Variants in ROBO2 observed in about 807,000 individuals in gnomAD.
The protein encoded by ROBO2 is roundabout guidance receptor 2.
In ROBO2, 53 loss-of-function variants were observed where a neutral mutation model predicts 160.8. The observed-to-expected ratio is 0.33, with a 90% confidence interval of 0.26 to 0.41. The LOEUF is 0.41. Ranked by LOEUF, ROBO2 falls within the 10% of genes least tolerant of loss-of-function variation. The probability of loss-of-function intolerance (pLI) is 1.00; values close to 1 mark genes in which losing one functional copy is unlikely to be tolerated. For missense variants in ROBO2, 1,577 were observed against 1,722.4 expected (o/e 0.92, Z 1.49); for synonymous variants, 664 against 611.7 (o/e 1.09, Z -1.26).
chr3:76,958,398 T>G (rs1039298535), intron 2 of ROBO2, among the ~76,000 whole-genome samples: 3 of 152,250 alleles, frequency 2.0e-5, no homozygotes, highest in African/African-American at 7.2e-5. Flanking sequence ...GCTCTTCCTC[T>G]CCTCAGCTCA....
At chr3:76,045,253 C>T (rs1043881476) in intron 2 of ROBO2, among the ~76,000 whole-genome samples, 1 of 152,012 alleles carries the variant, frequency 6.6e-6, no homozygotes, top group Non-Finnish European at 1.5e-5. Flanking sequence ...TTCTTTTACA[C>T]CTTTTCAGTT....
At chr3:76,232,679 C>A (rs1704691314) in intron 2 of ROBO2, among the ~76,000 whole-genome samples, 2 of 152,168 alleles carry the variant, frequency 1.3e-5, no homozygotes, top group African/African-American at 4.8e-5. Flanking sequence ...ATGCTGTTAA[C>A]TGTATATCAA....
At chr3:76,558,633 G>C (rs1426693873) in intron 2 of ROBO2, among the ~76,000 whole-genome samples, 1 of 151,876 alleles carries the variant, frequency 6.6e-6, no homozygotes, top group South Asian at 2.1e-4. Context: ...GGTTTTTTTA[G>C]ATGTTGTACA....
At chr3:76,609,359 T>C (rs1351574824) in intron 2 of ROBO2, among the ~76,000 whole-genome samples, 2 of 152,196 alleles carry the variant, frequency 1.3e-5, no homozygotes, top group Admixed American at 1.3e-4. Context: ...TGTGGTTTCA[T>C]ATAAATTAAA....
intron 2 of ROBO2, among the ~76,000 whole-genome samples, chr3:77,384,750 A>G (rs9854015): frequency 0.31 from 47,531 of 152,122 alleles, 7,807 homozygotes; most frequent in East Asian, 0.46. Flanking sequence ...TAGAGTCACA[A>G]AGTATATATA....
At chr3:76,572,064 G>A (rs1312315299) in intron 2 of ROBO2, among the ~76,000 whole-genome samples, 5 of 152,128 alleles carry the variant, frequency 3.3e-5, no homozygotes, top group Admixed American at 3.3e-4. Flanking sequence ...TATACCTGAA[G>A]TATTTGATAG....
intron 2 of ROBO2, among the ~76,000 whole-genome samples, chr3:76,626,414 G>C (rs2089643641): frequency 6.6e-6 from 1 of 152,044 alleles, no homozygotes; most frequent in Non-Finnish European, 1.5e-5. Flanking sequence ...AAACAGAGAT[G>C]AGTTTAGGCT....
Position 77,422,280 on chromosome 3 carries a change from T to G in ROBO2, c.389-55134T>G, listed in dbSNP as rs34299660. On this transcript the variant is annotated intron_variant, in intron 2 of 25. Coordinates refer to ENST00000461745, the Ensembl canonical transcript of ROBO2. ...TGACATTTTATGCCTTTCATTTCCCTCCTGTGCTCACTGTATCTTCTGGTG... is the reference window on the plus strand; with the variant it reads ...TGACATTTTATGCCTTTCATTTCCCGCCTGTGCTCACTGTATCTTCTGGTG... Among the ~76,000 whole-genome samples the G allele has an allele frequency of 3.8e-3, 584 of 152,324 alleles. 3 individuals carry two copies. The highest frequency in any genetic ancestry group is 0.02 in the Middle Eastern group (6 of 294).
rs891854922 is a variant in ROBO2, at chr3:77,009,308, T to A, written c.110-88706T>A. ...ATTGATTGCGGTTTGCAGTTAACTT[T>A]TCCCTTTGAGTAAATCACTGGTAAC... is the stretch of plus-strand genomic sequence containing the variant. On this transcript the variant is annotated intron_variant, in intron 2 of 26. Transcript: ENST00000487694. Among the ~76,000 whole-genome samples, 5 of 152,326 alleles carry A rather than the reference T, an allele frequency of 3.3e-5. No homozygotes were observed. The East Asian group carries it at 9.7e-4, about 29-fold the overall frequency.
At chr3:77,644,637 A>C in intron 24 of ROBO2, 67 bp from the exon 27 acceptor site, 2 of 1,373,538 alleles carry the variant, frequency 1.5e-6, no homozygotes, top group Non-Finnish European at 2.1e-6. Context: ...GTTATATTCA[A>C]GAGTTAAGTT....
At chr3:76,727,121 CT>C (rs1321983244) in intron 2 of ROBO2, among the ~76,000 whole-genome samples, 1 of 123,574 alleles carries the variant, frequency 8.1e-6, no homozygotes, top group East Asian at 2.1e-4. Flanking sequence ...TTTTCATTGT[CT>C]CAAAGAATAT....
At chr3:76,186,455 C>T (rs1701768553) in intron 2 of ROBO2, among the ~76,000 whole-genome samples, 1 of 151,968 alleles carries the variant, frequency 6.6e-6, no homozygotes, top group Admixed American at 6.6e-5. Context: ...CTTTACCTTC[C>T]AGCACTAAAC....
At chr3:77,148,327 A>G (rs1373486152) in intron 2 of ROBO2, among the ~76,000 whole-genome samples, 1 of 152,326 alleles carries the variant, frequency 6.6e-6, no homozygotes, top group South Asian at 2.1e-4. Context: ...TAAGCAGAGG[A>G]CATACTGTGT....
At chr3:77,426,498 T>C (rs562587233) in intron 2 of ROBO2, among the ~76,000 whole-genome samples, 1 of 151,924 alleles carries the variant, frequency 6.6e-6, no homozygotes, top group South Asian at 2.1e-4. Context: ...TGGGAATATA[T>C]AGATAATTGA....
In ROBO2 at chr3:76,782,229, A is replaced by G. The variant is rs983731965; in HGVS notation, c.110-315785A>G. 2.0e-5 allele frequency among the ~76,000 whole-genome samples: 3 copies of G among 150,698 alleles called. No individual in the cohort carries two copies. In the Admixed American group the frequency reaches 2.0e-4, roughly 10 times the overall value. ...CTTCCTAGTATTGATTTCTAGTTTC[A>G]TACCGTTATGGTAGAAAAGATGCTT... On this transcript the variant is annotated intron_variant, in intron 2 of 26. Transcript: ENST00000487694.
chr3:76,730,206 TCACC>T (rs1421077781), intron 2 of ROBO2, among the ~76,000 whole-genome samples: 23 of 87,796 alleles, frequency 2.6e-4, no homozygotes, highest in African/African-American at 8.2e-4. Flanking sequence ...TCGCTTGTCC[TCACC>T]TCCTACTCCC....
intron 2 of ROBO2, among the ~76,000 whole-genome samples, chr3:76,335,538 T>A (rs1448445814): frequency 1.3e-5 from 2 of 151,950 alleles, no homozygotes; most frequent in Non-Finnish European, 2.9e-5. Flanking sequence ...CTGGTTTTCA[T>A]TTTAATTATA....
intron 2 of ROBO2, among the ~76,000 whole-genome samples, chr3:77,132,770 G>C (rs572761176): frequency 2.0e-4 from 31 of 151,972 alleles, no homozygotes; most frequent in African/African-American, 7.5e-4. Flanking sequence ...TGAGGCACTG[G>C]AAAAATGAAG....
intron 2 of ROBO2, among the ~76,000 whole-genome samples, chr3:76,941,970 A>C (rs2078216462): frequency 6.6e-6 from 1 of 152,210 alleles, no homozygotes. Context: ...ATAAGTATTA[A>C]ATGAATGATA....
Sources: gnomAD v4.1 joint callset for allele counts (sites outside exome capture counted in the v4.1 genomes callset) on GRCh38, gnomAD v4.1.1 for gene constraint, MANE v1.5 for transcripts, NCBI Gene and HGNC (gene_info 2026-07-23, HGNC 2026-07-21) for gene names.